The following SGO1 variants were observed in gnomAD, a reference collection of about 807,000 sequenced individuals.
SGO1 encodes the protein serologically defined breast cancer antigen NY-BR-85.
In SGO1, 39 loss-of-function variants were observed where a neutral mutation model predicts 50.5. The observed-to-expected ratio is 0.77, with a 90% confidence interval of 0.60 to 1.01. The LOEUF is 1.01. SGO1 is among the 50% of genes least tolerant of loss of function. The probability of loss-of-function intolerance (pLI) is 0.00; values close to 1 mark genes in which losing one functional copy is unlikely to be tolerated. For missense variants in SGO1, 638 were observed against 606.0 expected (o/e 1.05, Z -0.55); for synonymous variants, 191 against 205.1 (o/e 0.93, Z 0.59).
chr3:20,174,405 C>T lies in SGO1; in HGVS notation c.1126G>A (p.Asp376Asn), dbSNP rs1701122741. Residue 376 changes from aspartate (D) to asparagine (N), a missense_variant, in exon 6 of 8, where the codon GAT becomes AAT. Coordinates refer to ENST00000412997, the MANE Select transcript of SGO1 (RefSeq NM_001199251.3). Reference sequence around the variant, plus strand: ...GGCAAATAGAGGTCATCGGAATCATCTCCTGAACCACTTGATTCACAGAGG... The same window carrying T: ...GGCAAATAGAGGTCATCGGAATCATTTCCTGAACCACTTGATTCACAGAGG... Reference protein sequence around the residue: ...VSLCESSGSGDDSDDLYLPTC... With the variant: ...VSLCESSGSGNDSDDLYLPTC... 1.2e-6 allele frequency: 2 copies of T among 1,614,166 alleles called. No homozygotes were observed. The highest frequency in any genetic ancestry group is 1.7e-6 in the Non-Finnish European group (2 of 1,180,030).
rs990490614 is a variant in SGO1 at position 20,171,135 on chromosome 3, A to G, written c.1380T>C (p.Leu460=). ...YPVVKIRRLS[L]SPKKNKASPA... is the part of the protein sequence containing the mutation. ...GGCTTGCTTTATTCTTTTTTGGAGA[A>G]AGAGAAAGTCTTCTGATTTTCACAA... The change falls in exon 7 of 8, where the codon CTT becomes CTC. Residue 460 remains leucine, a synonymous_variant. Coordinates refer to ENST00000412997, the MANE Select transcript of SGO1 (RefSeq NM_001199251.3). 6.2e-7 allele frequency: 1 copy of G among 1,613,352 alleles called. No homozygotes were observed. The highest frequency in any genetic ancestry group is 1.3e-5 in the African/African-American group (1 of 74,892).
chr3:20,175,418 A>C (rs1027183433), intron 5 of SGO1, among the ~76,000 whole-genome samples: 30 of 152,174 alleles, frequency 2.0e-4, no homozygotes, highest in Admixed American at 6.5e-4. Flanking sequence ...ATATAATGTA[A>C]ATACTCCAAA....
intron 4 of SGO1, chr3:20,177,110 T>C (rs1193419162): frequency 6.6e-6 from 1 of 152,646 alleles, no homozygotes; most frequent in Non-Finnish European, 1.5e-5. Flanking sequence ...TTCATTTTCT[T>C]TACAAATGTT....
chr3:20,171,036 T>G lies in SGO1; in HGVS notation c.1472+7A>C. 1.3e-6 allele frequency: 2 copies of G among 1,575,116 alleles called. No individual in the cohort carries two copies. The highest frequency in any genetic ancestry group is 1.7e-6 in the Non-Finnish European group (2 of 1,167,862). On this transcript the variant is annotated splice_region_variant and intron_variant, in intron 7 of 7. Coordinates refer to ENST00000412997, the MANE Select transcript of SGO1 (RefSeq NM_001199251.3). ...TAAAAATAAGTTCCCACAAACCAAATACTTACGAAGCGAGGGTGGGCTCCT... is the reference window on the plus strand; with the variant it reads ...TAAAAATAAGTTCCCACAAACCAAAGACTTACGAAGCGAGGGTGGGCTCCT...
chr3:20,176,221 C>A (rs1701371331), intron 5 of SGO1, among the ~76,000 whole-genome samples: 1 of 152,150 alleles, frequency 6.6e-6, no homozygotes, highest in African/African-American at 2.4e-5. Context: ...CTGTTAACAT[C>A]TAGACTTCTT....
At chr3:20,178,896 GTAC>G (rs1211373165) in intron 3 of SGO1, among the ~76,000 whole-genome samples, 1 of 152,156 alleles carries the variant, frequency 6.6e-6, no homozygotes, top group Non-Finnish European at 1.5e-5. Flanking sequence ...TGATGGGAAG[GTAC>G]TTAATATTAA....
intron 4 of SGO1, 65 bp downstream of exon 4, chr3:20,178,206 T>C (rs144287064): frequency 8.6e-7 from 1 of 1,160,988 alleles, no homozygotes; most frequent in African/African-American, 1.5e-5. Context: ...TTTCCTTTCA[T>C]AAATGAATCA....
At chr3:20,176,263 A>G (rs1033454972) in intron 5 of SGO1, among the ~76,000 whole-genome samples, 6 of 152,198 alleles carry the variant, frequency 3.9e-5, no homozygotes, top group Non-Finnish European at 7.3e-5. Flanking sequence ...TTGAGTTCCT[A>G]TAAAACAGGA....
chr3:20,183,556 C>T lies in SGO1; in HGVS notation c.339+52G>A, dbSNP rs1702263206. 2.9e-6 allele frequency: 4 copies of T among 1,379,480 alleles called. No individual in the cohort carries two copies. The African/African-American group carries it at 4.4e-5, about 15-fold the overall frequency. The allele number at this position is 1,379,480 out of a possible 1,614,324, so 85.5% of individuals were successfully genotyped here. On this transcript the variant is annotated intron_variant, in intron 3 of 7. Coordinates refer to ENST00000412997, the MANE Select transcript of SGO1 (RefSeq NM_001199251.3). ...TAAATAACATAATTGATCTAAACTA[C>T]TTATTCATGGCTTAACTAAACTAAG...
intron 4 of SGO1, 62 bp from the exon 5 acceptor site, chr3:20,176,721 T>A: frequency 9.1e-7 from 1 of 1,096,458 alleles, no homozygotes; most frequent in South Asian, 1.5e-5. Flanking sequence ...AAATTCAGTA[T>A]TTTCCTAAAT....
At position 20,178,325 on chromosome 3, in the gene SGO1, C is replaced by T; in HGVS notation, c.362G>A (p.Gly121Glu). The T allele has an allele frequency of 6.2e-7, 1 of 1,612,356 alleles. No homozygotes were observed. Among genetic ancestry groups the T allele is most frequent in the Non-Finnish European group, 8.5e-7 (1 of 1,178,630 alleles). The change falls in exon 4 of 8, where the codon GGA becomes GAA. Residue 121 changes from glycine to glutamate, a missense_variant. Gly to Glu is a moderately conservative substitution (Grantham distance 98). Coordinates refer to ENST00000412997, the MANE Select transcript of SGO1 (RefSeq NM_001199251.3). ...GCTGTCATCACTATTGGGGTCCATT[C>T]CAGAGGAACATATTTCCTGGTTCTG... Reference protein sequence around the residue: ...PAQNQEICSSGMDPNSDDSSR... With the variant: ...PAQNQEICSSEMDPNSDDSSR...
At chr3:20,161,209 G>C (rs773902087) in exon 9 of SGO1, 1 of 1,605,352 alleles carries the variant, frequency 6.2e-7, no homozygotes, top group Non-Finnish European at 8.5e-7. Context: ...TCTTTGGCAG[G>C]TGATACCTCC....
upstream of SGO1, chr3:20,186,800 T>C (rs887765792): frequency 1.3e-5 from 2 of 152,212 alleles, no homozygotes; most frequent in African/African-American, 4.8e-5. Flanking sequence ...TCGTCCTTAA[T>C]GATTATTTAT....
chr3:20,184,449 G>A (rs1702391309), intron 1 of SGO1, among the ~76,000 whole-genome samples: 1 of 152,104 alleles, frequency 6.6e-6, no homozygotes, highest in South Asian at 2.1e-4. Context: ...TAGTTCTGAG[G>A]CAATTATATA....
intron 8 of SGO1, among the ~76,000 whole-genome samples, chr3:20,162,074 TG>T (rs1700068169): frequency 6.6e-6 from 1 of 152,112 alleles, no homozygotes; most frequent in Non-Finnish European, 1.5e-5. Context: ...GACTGAAGTT[TG>T]GAGAGGCCGC....
At chr3:20,173,405 G>C (rs754505150) in intron 6 of SGO1, among the ~76,000 whole-genome samples, 5 of 152,130 alleles carry the variant, frequency 3.3e-5, no homozygotes, top group Non-Finnish European at 5.9e-5. Flanking sequence ...CTCCCAAAGT[G>C]CTGGGATTAC....
chr3:20,173,328 T>C (rs1700989784), intron 6 of SGO1, among the ~76,000 whole-genome samples: 1 of 151,962 alleles, frequency 6.6e-6, no homozygotes, highest in Non-Finnish European at 1.5e-5. Context: ...TTAGTAGAGA[T>C]GGGGTTTCAC....
chr3:20,183,484 G>T, intron 3 of SGO1, 124 bp downstream of exon 3: 1 of 801,824 alleles, frequency 1.2e-6, no homozygotes. Flanking sequence ...CACTAAAGAA[G>T]GATGTTTTAA....
intron 3 of SGO1, among the ~76,000 whole-genome samples, chr3:20,179,666 C>T (rs550606025): frequency 8.1e-4 from 123 of 152,102 alleles, no homozygotes; most frequent in African/African-American, 2.8e-3. Context: ...TGGGCTCAAG[C>T]GATCCTCTCA....
Sources: gnomAD v4.1 joint callset for allele counts (sites outside exome capture counted in the v4.1 genomes callset) on GRCh38, gnomAD v4.1.1 for gene constraint, MANE v1.5 for transcripts, NCBI Gene and HGNC (gene_info 2026-07-23, HGNC 2026-07-21) for gene names.